Variants in LHFPL3 observed in about 807,000 individuals in gnomAD.
The protein encoded by LHFPL3 is LHFPL tetraspan subfamily member 3 protein.
Under a neutral mutation model 19.3 loss-of-function variants are expected in LHFPL3, and 5 were observed. The ratio of observed to expected loss-of-function variants is 0.26; its 90% CI spans 0.14 to 0.54. LHFPL3 has a LOEUF of 0.54. LHFPL3 is among the 20% of genes least tolerant of loss of function. LHFPL3 has a pLI of 0.94. For synonymous variants in LHFPL3, 133 were observed against 126.2 expected (o/e 1.05, Z -0.36); for missense variants, 249 against 307.4 (o/e 0.81, Z 1.42).
intron 2 of LHFPL3, among the ~76,000 whole-genome samples, chr7:104,899,708 C>T (rs1242639718): frequency 6.6e-6 from 1 of 152,128 alleles, no homozygotes; most frequent in East Asian, 1.9e-4. Context: ...AAAGTAGGGA[C>T]AGAACATTAA....
At chr7:104,517,398 AAT>A (rs941555564) in intron 1 of LHFPL3, among the ~76,000 whole-genome samples, 2 of 147,824 alleles carry the variant, frequency 1.4e-5, no homozygotes, top group Admixed American at 6.7e-5. Context: ...TAATTTTATT[AAT>A]ATGTTATATT....
intron 2 of LHFPL3, among the ~76,000 whole-genome samples, chr7:104,767,171 A>G (rs1235604757): frequency 6.6e-6 from 1 of 152,258 alleles, no homozygotes; most frequent in Non-Finnish European, 1.5e-5. Flanking sequence ...CAGACTCTGT[A>G]GTCTGCTAGG....
intron 1 of LHFPL3, among the ~76,000 whole-genome samples, chr7:104,677,268 T>C (rs1284866149): frequency 6.6e-6 from 1 of 151,920 alleles, no homozygotes; most frequent in Non-Finnish European, 1.5e-5. Flanking sequence ...CCCCAACACA[T>C]TTGGAGGCTG....
At chr7:104,518,771 G>T (rs919156830) in intron 1 of LHFPL3, among the ~76,000 whole-genome samples, 1 of 151,260 alleles carries the variant, frequency 6.6e-6, no homozygotes, top group Non-Finnish European at 1.5e-5. Context: ...GCAACAGAGT[G>T]AGACTCCATC....
At chr7:104,832,995 A>AT (rs1790987285) in intron 2 of LHFPL3, among the ~76,000 whole-genome samples, 1 of 111,852 alleles carries the variant, frequency 8.9e-6, no homozygotes, top group Non-Finnish European at 1.7e-5. Context: ...TATAGGACAT[A>AT]TATATTATAT....
At chr7:104,562,682 C>A (rs916592723) in intron 1 of LHFPL3, among the ~76,000 whole-genome samples, 3 of 151,840 alleles carry the variant, frequency 2.0e-5, no homozygotes, top group African/African-American at 7.3e-5. Flanking sequence ...TCTCTCAGCT[C>A]CTCAAAGTCA....
chr7:104,504,292 T>C (rs1212767568), intron 1 of LHFPL3, among the ~76,000 whole-genome samples: 4 of 152,234 alleles, frequency 2.6e-5, no homozygotes, highest in Non-Finnish European at 5.9e-5. Context: ...TTTTTATCTT[T>C]TAAGTCATTG....
At chr7:104,474,186 T>C (rs549536277) in intron 1 of LHFPL3, among the ~76,000 whole-genome samples, 2 of 152,274 alleles carry the variant, frequency 1.3e-5, no homozygotes, top group African/African-American at 4.8e-5. Flanking sequence ...CAGCCTAGTT[T>C]AGTTCATCAC....
Position 104,857,199 on chromosome 7 carries a change from ATCTGCC to A in LHFPL3, c.683-48983_683-48978del, listed in dbSNP as rs2116627587. Reference sequence around the variant, plus strand: ...ATGCAGCAAGGACGCACTGCCAGCAATCTGCCTCTGGAACGAAGGCTTTTTATTCAC... The same window carrying A: ...ATGCAGCAAGGACGCACTGCCAGCAATCTGGAACGAAGGCTTTTTATTCAC... On this transcript the variant is annotated intron_variant, in intron 2 of 2. Transcript: ENST00000424859. Among the ~76,000 whole-genome samples the A allele has an allele frequency of 2.6e-5, 4 of 152,290 alleles. No individual in the cohort carries two copies. The East Asian group carries it at 7.7e-4, about 29-fold the overall frequency.
chr7:104,868,486 A>C lies in LHFPL3; in HGVS notation c.683-37701A>C, dbSNP rs570846093. ...AACTCCCATTCACAATTGCTTCAAAAAAAATAAAATACCTAGGAATCCAAC... is the reference window on the plus strand; with the variant it reads ...AACTCCCATTCACAATTGCTTCAAACAAAATAAAATACCTAGGAATCCAAC... On this transcript the variant is annotated intron_variant, in intron 2 of 2. Transcript: ENST00000424859. Among the ~76,000 whole-genome samples the C allele has an allele frequency of 5.0e-3, 754 of 152,052 alleles. 5 individuals carry two copies. The highest frequency in any genetic ancestry group is 0.017 in the African/African-American group (722 of 41,458).
chr7:104,373,707 G>A (rs1231259359), intron 1 of LHFPL3, among the ~76,000 whole-genome samples: 2 of 152,078 alleles, frequency 1.3e-5, no homozygotes, highest in South Asian at 2.1e-4. Flanking sequence ...GTGGGAGGGT[G>A]GGCAGTTCTA....
intron 2 of LHFPL3, among the ~76,000 whole-genome samples, chr7:104,869,692 A>G (rs1391841636): frequency 2.2e-4 from 33 of 152,176 alleles, no homozygotes; most frequent in Admixed American, 2.2e-3. Context: ...GCGATTCCTC[A>G]GGGATCTAGA....
chr7:104,608,999 G>C (rs967918291), intron 1 of LHFPL3, among the ~76,000 whole-genome samples: 8 of 152,204 alleles, frequency 5.3e-5, no homozygotes, highest in Non-Finnish European at 8.8e-5. Flanking sequence ...AGGCATGGTG[G>C]CTCACGCCTG....
intron 2 of LHFPL3, among the ~76,000 whole-genome samples, chr7:104,879,706 GA>G (rs1327687941): frequency 3.3e-5 from 5 of 152,150 alleles, no homozygotes; most frequent in Admixed American, 3.3e-4. Context: ...GTCTCTAAAA[GA>G]AAATAAAAAA....
At chr7:104,812,653 A>G (rs28648461) in intron 2 of LHFPL3, among the ~76,000 whole-genome samples, 92,238 of 150,498 alleles carry the variant, frequency 0.61, 28,952 homozygotes, top group South Asian at 0.68. Flanking sequence ...AAATTACAAA[A>G]ATTAGCCAGG....
chr7:104,430,386 A>ATGTGTG, intron 1 of LHFPL3, among the ~76,000 whole-genome samples: 1 of 41,970 alleles, frequency 2.4e-5, no homozygotes, highest in Non-Finnish European at 3.9e-5. Flanking sequence ...ATATATACAT[A>ATGTGTG]TATATATATA....
At chr7:104,670,981 T>G (rs1433995526) in intron 1 of LHFPL3, among the ~76,000 whole-genome samples, 1 of 152,140 alleles carries the variant, frequency 6.6e-6, no homozygotes, top group Admixed American at 6.5e-5. Flanking sequence ...TTTATATGCA[T>G]TTTTGTAGGG....
chr7:104,869,542 T>C (rs1261707409), intron 2 of LHFPL3, among the ~76,000 whole-genome samples: 3 of 151,954 alleles, frequency 2.0e-5, no homozygotes, highest in Non-Finnish European at 2.9e-5. Context: ...CACAATGAGA[T>C]ACCATCTCAC....
intron 1 of LHFPL3, among the ~76,000 whole-genome samples, chr7:104,560,549 C>T (rs1193192731): frequency 8.0e-5 from 12 of 150,410 alleles, no homozygotes; most frequent in East Asian, 3.9e-4. Context: ...TTTTTTATTG[C>T]GTCTATTTGA....
Sources: gnomAD v4.1 joint callset for allele counts (sites outside exome capture counted in the v4.1 genomes callset) on GRCh38, gnomAD v4.1.1 for gene constraint, MANE v1.5 for transcripts, NCBI Gene and HGNC (gene_info 2026-07-23, HGNC 2026-07-21) for gene names.